Variants in IGSF9B observed in about 807,000 individuals in gnomAD.
IGSF9B encodes the protein immunoglobulin superfamily member 9B.
IGSF9B carries 48 observed loss-of-function variants against 143.7 expected under a neutral mutation model. That is an observed-to-expected ratio of 0.33 (90% CI 0.26 to 0.42). IGSF9B has a LOEUF of 0.42. IGSF9B is among the 20% of genes least tolerant of loss of function. IGSF9B has a pLI of 1.00. For synonymous variants in IGSF9B, 903 were observed against 833.1 expected (o/e 1.08, Z -1.44); for missense variants, 1,706 against 1,980.0 (o/e 0.86, Z 2.63).
chr11:133,946,049 C>T lies in IGSF9B; in HGVS notation c.262+12G>A. The T allele has an allele frequency of 2.0e-6, 3 of 1,536,296 alleles. No homozygotes were observed. The highest frequency in any genetic ancestry group is 2.6e-6 in the Non-Finnish European group (3 of 1,137,168). ...TGGGGAAGGTGCGGGAGACCGGGTGCCCAGACCTTACCTGCATACTCAGGG... is the reference window on the plus strand; with the variant it reads ...TGGGGAAGGTGCGGGAGACCGGGTGTCCAGACCTTACCTGCATACTCAGGG... On this transcript the variant is annotated intron_variant, in intron 2 of 19. Transcript: ENST00000533871.
At position 133,901,934 on chromosome 11, in the gene IGSF9B, A is replaced by AAC. The variant is rs777639552; in HGVS notation, c.*7133_*7134dup. ...ACACACAACACACACCAAACCACAC[A>AAC]ACACACACACACATCACACACATGC... On this transcript the variant is annotated 3_prime_UTR_variant, in exon 20 of 20. Coordinates refer to ENST00000533871, the MANE Select transcript of IGSF9B (RefSeq NM_001277285.4). Among the ~76,000 whole-genome samples, 1 of 93,986 alleles carries AAC rather than the reference A, an allele frequency of 1.1e-5. No homozygotes were observed. Among genetic ancestry groups the AAC allele is most frequent in the African/African-American group, 3.5e-5 (1 of 28,856 alleles). The allele number at this position is 93,986 out of a possible 152,430, so 61.7% of individuals were successfully genotyped here.
chr11:133,929,855 T>C (rs1939691961), intron 11 of IGSF9B, 73 bp from the exon 12 acceptor site: 3 of 990,780 alleles, frequency 3.0e-6, no homozygotes, highest in Non-Finnish European at 4.8e-6. Context: ...CGTCTGGCTG[T>C]GGGGAACCTG....
At chr11:133,952,001 A>AG (rs1225884014) in intron 1 of IGSF9B, 2 of 453,234 alleles carry the variant, frequency 4.4e-6, no homozygotes, top group Non-Finnish European at 8.9e-6. Flanking sequence ...CACGACCAGG[A>AG]GGGAGGCAAG....
rs761632966 is a variant in IGSF9B, at chr11:133,904,825, C to A, written c.*4244G>T. Among the ~76,000 whole-genome samples the A allele has an allele frequency of 1.3e-5, 2 of 151,550 alleles. No homozygotes were observed. Among genetic ancestry groups the A allele is most frequent in the Non-Finnish European group, 2.9e-5 (2 of 67,944 alleles). ...TCCCCTCCACCCTCCAGTTCTCCAA[C>A]TCCCCCTCCTGAAACACCAGTGCCC... On this transcript the variant is annotated 3_prime_UTR_variant, in exon 20 of 20. Transcript: ENST00000533871.
At position 133,920,254 on chromosome 11, in the gene IGSF9B, C is replaced by A; in HGVS notation, c.3471G>T (p.Ala1157=). ...GGCCAAATGTGCTGGGGCCGCCGTG[C>A]GCCCCCGGCTCAGCCGGCTCGGGGT... ...LPYPEPAEPG[A]HGGPSTFGLD... Residue 1157 remains alanine, a synonymous_variant, in exon 18 of 20, where the codon GCG becomes GCT. Coordinates refer to ENST00000533871, the MANE Select transcript of IGSF9B (RefSeq NM_001277285.4). The A allele has an allele frequency of 1.3e-6, 2 of 1,516,866 alleles. No homozygotes were observed. The highest frequency in any genetic ancestry group is 2.6e-5 in the South Asian group (2 of 75,928). The allele number at this position is 1,516,866 out of a possible 1,614,324, so 94.0% of individuals were successfully genotyped here. A position where few individuals can be genotyped will look rare whatever the true frequency, so the allele number is the denominator to read the frequency against.
At position 133,901,945 on chromosome 11, in the gene IGSF9B, ACAT is replaced by A. The variant is rs1356955173; in HGVS notation, c.*7121_*7123del. On this transcript the variant is annotated 3_prime_UTR_variant, in exon 20 of 20. Transcript: ENST00000533871. ...ACACCAAACCACACAACACACACACACATCACACACATGCACACCGCATCACAC... is the reference window on the plus strand; with the variant it reads ...ACACCAAACCACACAACACACACACACACACACATGCACACCGCATCACAC... 7.3e-4 allele frequency among the ~76,000 whole-genome samples: 89 copies of A among 122,656 alleles called. No individual in the cohort carries two copies. Among genetic ancestry groups the A allele is most frequent in the Non-Finnish European group, 1.3e-3 (72 of 57,322 alleles). The allele number at this position is 122,656 out of a possible 152,430, so 80.5% of individuals were successfully genotyped here. A position where few individuals can be genotyped will look rare whatever the true frequency, so the allele number is the denominator to read the frequency against.
At position 133,948,795 on chromosome 11, in the gene IGSF9B, T is replaced by G. The variant is rs144031692; in HGVS notation, c.65-2537A>C. Among the ~76,000 whole-genome samples the G allele has an allele frequency of 4.4e-4, 67 of 152,226 alleles. 2 individuals carry two copies. In the East Asian group the frequency reaches 0.011, roughly 25 times the overall value. On this transcript the variant is annotated intron_variant, in intron 1 of 19. Transcript: ENST00000533871. This position sits in a 1 kb window ranked among gnomAD's most constrained non-coding sequence, Gnocchi z 4.7. ...CAGAAGGTGGTTCCTTCCCAGGGCT[T>G]TGGCCCAGGCAGGAGGAACAGAGGC...
intron 3 of IGSF9B, 33 bp from the exon 4 acceptor site, chr11:133,937,994 C>T: frequency 6.2e-7 from 1 of 1,607,664 alleles, no homozygotes; most frequent in Non-Finnish European, 8.5e-7. Flanking sequence ...GAAGGACACG[C>T]CATCAGCCAC....
In IGSF9B at chr11:133,906,034, C is replaced by G. The variant is rs1432060943; in HGVS notation, c.*3035G>C. On this transcript the variant is annotated 3_prime_UTR_variant, in exon 20 of 20. Transcript: ENST00000533871. ...AAGAGGCAGACAGACATCTGAGACA[C>G]AGAAGCAGGTTTACATCTGAGTCGT... 4.0e-5 allele frequency among the ~76,000 whole-genome samples: 6 copies of G among 151,170 alleles called. No individual in the cohort carries two copies. Among genetic ancestry groups the G allele is most frequent in the African/African-American group, 1.2e-4 (5 of 40,626 alleles).
At chr11:133,911,788 G>GAGCCCAATAACCCTCCTGACAACGGC in intron 19 of IGSF9B, 98 bp downstream of exon 19, 1 of 1,218,164 alleles carries the variant, frequency 8.2e-7, no homozygotes, top group Non-Finnish European at 1.1e-6. Context: ...TTGGGGCCCT[G>GAGCCCAATAACCCTCCTGACAACGGC]AGCCCAATAA....
At position 133,953,263 on chromosome 11, in the gene IGSF9B, A is replaced by C. The variant is rs1240901630; in HGVS notation, c.64+3428T>G. Among the ~76,000 whole-genome samples, 3 of 151,868 alleles carry C rather than the reference A, an allele frequency of 2.0e-5. No homozygotes were observed. The highest frequency in any genetic ancestry group is 4.4e-5 in the Non-Finnish European group (3 of 67,964). On this transcript the variant is annotated intron_variant, in intron 1 of 19. Transcript: ENST00000533871. The surrounding 1 kb of genome is among the most constrained non-coding windows in gnomAD (Gnocchi z 4.2). ...CTCAAGGTCTATCTAGGACCCTGCA[A>C]CTCCAGGACCAGCACATGCAGGGCC...
At chr11:133,929,585 C>T in intron 12 of IGSF9B, 86 bp downstream of exon 12, 1 of 984,178 alleles carries the variant, frequency 1.0e-6, no homozygotes, top group Non-Finnish European at 1.6e-6. Flanking sequence ...CTCCTACCTC[C>T]CCCCACCCGG....
Position 133,956,813 on chromosome 11 carries a change from GCGCCTCGCGCCCGAGCGCC to G in IGSF9B, c.-78_-60del, listed in dbSNP as rs895696663. The G allele has an allele frequency of 4.7e-4, 527 of 1,126,988 alleles. 8 individuals carry two copies. The highest frequency in any genetic ancestry group is 2.4e-3 in the South Asian group (89 of 37,722). The allele number at this position is 1,126,988 out of a possible 1,614,324, so 69.8% of individuals were successfully genotyped here. ...TCGCAAAGTGCTCCCGCGCCCGCAC[GCGCCTCGCGCCCGAGCGCC>G]CGCCTCGCGCCCGCCTCGCGCCGCC... On this transcript the variant is annotated 5_prime_UTR_variant, in exon 1 of 20. Transcript: ENST00000533871.
In IGSF9B at chr11:133,948,668, C is replaced by T. The variant is rs1297417819; in HGVS notation, c.65-2410G>A. On this transcript the variant is annotated intron_variant, in intron 1 of 19. Transcript: ENST00000533871. This position sits in a 1 kb window ranked among gnomAD's most constrained non-coding sequence, Gnocchi z 4.7. Reference sequence around the variant, plus strand: ...GTGTGTGTGTGTGTGTGTGTGTCTACAGCACACACCTGTGAGGAGATAAGA... The same window carrying T: ...GTGTGTGTGTGTGTGTGTGTGTCTATAGCACACACCTGTGAGGAGATAAGA... Among the ~76,000 whole-genome samples the T allele has an allele frequency of 1.4e-5, 2 of 143,408 alleles. No individual in the cohort carries two copies. The highest frequency in any genetic ancestry group is 3.0e-5 in the Non-Finnish European group (2 of 65,934). The allele number at this position is 143,408 out of a possible 152,430, so 94.1% of individuals were successfully genotyped here.
chr11:133,943,753 C>T (rs1187991606), intron 3 of IGSF9B, among the ~76,000 whole-genome samples: 2 of 152,196 alleles, frequency 1.3e-5, no homozygotes, highest in Non-Finnish European at 2.9e-5. Context: ...ACACACTACA[C>T]CCTTGGTACA....
In IGSF9B at chr11:133,920,361, G is replaced by A; in HGVS notation, c.3364C>T (p.Gln1122Ter). 1 of 1,604,838 alleles carries A rather than the reference G, an allele frequency of 6.2e-7. No homozygotes were observed. Among genetic ancestry groups the A allele is most frequent in the Non-Finnish European group, 8.5e-7 (1 of 1,176,094 alleles). The change falls in exon 18 of 20, where the codon CAG becomes TAG. Residue 1122 changes from glutamine (Q) to a stop codon, truncating the protein, a stop_gained. Coordinates refer to ENST00000533871, the MANE Select transcript of IGSF9B (RefSeq NM_001277285.4). LOFTEE classifies it high-confidence loss of function. The part of the protein sequence containing the change: ...PVPAPPAAKW[Q>*]DRPMQPLVSQ... Reference sequence around the variant, plus strand: ...ACCAGAGGTTGCATAGGTCTGTCCTGCCACTTGGCGGCGGGGGGCGCTGGG... The same window carrying A: ...ACCAGAGGTTGCATAGGTCTGTCCTACCACTTGGCGGCGGGGGGCGCTGGG...
rs1035780698 is a variant in IGSF9B at position 133,948,470 on chromosome 11, G to A, written c.65-2212C>T. 2.0e-5 allele frequency among the ~76,000 whole-genome samples: 3 copies of A among 152,166 alleles called. No homozygotes were observed. Among genetic ancestry groups the A allele is most frequent in the Admixed American group, 2.0e-4 (3 of 15,274 alleles). ...CAACCCAGCCCCTCAGGGAAAGCAG[G>A]GAGAGTGCCCAGCTGCAGCCTCACC... On this transcript the variant is annotated intron_variant, in intron 1 of 19. Transcript: ENST00000533871. The surrounding 1 kb of genome is among the most constrained non-coding windows in gnomAD (Gnocchi z 4.7).
rs1939108743 is a variant in IGSF9B at position 133,900,823 on chromosome 11, AG to A, written c.*8245del. 1 of 152,410 alleles carries A rather than the reference AG, an allele frequency of 6.6e-6. No homozygotes were observed. The highest frequency in any genetic ancestry group is 2.4e-5 in the African/African-American group (1 of 41,462). 9.4% of individuals were successfully genotyped at this position (152,410 alleles called of 1,614,324 possible). On this transcript the variant is annotated 3_prime_UTR_variant, in exon 20 of 20. Coordinates refer to ENST00000533871, the MANE Select transcript of IGSF9B (RefSeq NM_001277285.4). Reference sequence around the variant, plus strand: ...CCATGTGTTCTCCAAGACCAAGCCCAGGCAGCCAGCCTCACAAACTCTCCCA... The same window carrying A: ...CCATGTGTTCTCCAAGACCAAGCCCAGCAGCCAGCCTCACAAACTCTCCCA...
At chr11:133,922,260 A>G (rs371595714) in intron 16 of IGSF9B, 38 bp from the exon 17 acceptor site, 151 of 1,583,202 alleles carry the variant, frequency 9.5e-5, no homozygotes, top group Non-Finnish European at 1.1e-4. Flanking sequence ...GCTGAGGCCA[A>G]GCCAGCAACC....
Sources: allele counts gnomAD v4.1 joint callset (sites outside exome capture counted in the v4.1 genomes callset), GRCh38; gene constraint gnomAD v4.1.1; non-coding constraint Gnocchi (gnomAD v3.1); transcripts MANE v1.5; gene names NCBI Gene and HGNC (gene_info 2026-07-23, HGNC 2026-07-21).